The following MAP3K21 variants were observed in gnomAD, a reference collection of about 807,000 sequenced individuals.
MAP3K21 encodes the protein mitogen-activated protein kinase kinase kinase MLK4.
MAP3K21 carries 63 observed loss-of-function variants against 86.1 expected under a neutral mutation model. That is an observed-to-expected ratio of 0.73 (90% CI 0.60 to 0.90). The LOEUF (loss-of-function observed/expected upper bound fraction) is 0.90. Ranked by LOEUF, MAP3K21 falls within the 40% of genes least tolerant of loss-of-function variation. The pLI is 0.00. For missense variants in MAP3K21, 1,220 were observed against 1,367.7 expected, an observed-to-expected ratio of 0.89 and a Z score of 1.70; for synonymous variants, 558 against 564.8, an observed-to-expected ratio of 0.99 and a Z score of 0.17.
intron 4 of MAP3K21, among the ~76,000 whole-genome samples, chr1:233,358,057 G>C (rs61826113): frequency 6.8e-6 from 1 of 147,688 alleles, no homozygotes; most frequent in Non-Finnish European, 1.5e-5. Flanking sequence ...TGTGCCTGAT[G>C]GGTTTTTTTT....
rs955532106 is a variant in MAP3K21, at chr1:233,362,084, G to A, written c.1343G>A (p.Arg448Gln). Residue 448 changes from arginine to glutamine, a missense_variant, in exon 5 of 10, where the codon CGG (arginine) becomes CAG (glutamine). Arg to Gln is a conservative substitution (Grantham distance 43). This residue lies in a region of MAP3K21 where 126 missense variants were observed against 127.7 expected (regional missense o/e 0.99). Transcript: ENST00000366624. Reference sequence around the variant, plus strand: ...CGATCCCGGGAAGAGGAGCTGACTCGGGCGGCTCTGCAGCAGAAGTCTCAG... The same window carrying A: ...CGATCCCGGGAAGAGGAGCTGACTCAGGCGGCTCTGCAGCAGAAGTCTCAG... ...ELRSREEELT[R>Q]AALQQKSQEE... is the part of the protein sequence containing the mutation. 2 of 1,612,826 alleles carry A rather than the reference G, an allele frequency of 1.2e-6. No homozygotes were observed. Among genetic ancestry groups the A allele is most frequent in the South Asian group, 1.1e-5 (1 of 90,872 alleles).
At chr1:233,367,795 G>T (rs1255232314) in intron 5 of MAP3K21, among the ~76,000 whole-genome samples, 1 of 150,306 alleles carries the variant, frequency 6.7e-6, no homozygotes, top group Non-Finnish European at 1.5e-5. Flanking sequence ...AAGAGGCAAG[G>T]TTGCAGTGAG....
chr1:233,341,870 A>G (rs1426419417), intron 1 of MAP3K21, among the ~76,000 whole-genome samples: 1 of 152,166 alleles, frequency 6.6e-6, no homozygotes, highest in Non-Finnish European at 1.5e-5. Context: ...GTTTTATAGA[A>G]CTGCAAGCCA....
chr1:233,347,156 A>G (rs1259961983), intron 2 of MAP3K21, among the ~76,000 whole-genome samples: 1 of 152,126 alleles, frequency 6.6e-6, no homozygotes, highest in Non-Finnish European at 1.5e-5. Flanking sequence ...CAGCCTCTCA[A>G]AGTGCTGGGA....
rs72755605 is a variant in MAP3K21, at chr1:233,349,131, C to T, written c.986+2509C>T. ...AAAATACAAGTGCTTGAGCCTCACC[C>T]CTTGATGAATTAGACTGTCTACTGG... On this transcript the variant is annotated intron_variant, in intron 2 of 9. Transcript: ENST00000366624. Among the ~76,000 whole-genome samples, 8 of 152,272 alleles carry T rather than the reference C, an allele frequency of 5.3e-5. No homozygotes were observed. In the East Asian group the frequency reaches 9.6e-4, roughly 18 times the overall value.
Position 233,384,583 on chromosome 1 carries a change from T to C in MAP3K21, c.*1872T>C, listed in dbSNP as rs2102771888. The C allele has an allele frequency of 6.6e-6, 1 of 152,216 alleles. No homozygotes were observed. Among genetic ancestry groups the C allele is most frequent in the African/African-American group, 2.4e-5 (1 of 41,558 alleles). The allele number at this position is 152,216 out of a possible 1,614,324, so 9.4% of individuals were successfully genotyped here. ...GCTTAAGGGTAGAGAAATATATACC[T>C]AAAATCATCAATACATGAAAGAAAA... On this transcript the variant is annotated 3_prime_UTR_variant, in exon 10 of 10. Coordinates refer to ENST00000366624, the MANE Select transcript of MAP3K21 (RefSeq NM_032435.3).
At chr1:233,339,661 T>A (rs72754084) in intron 1 of MAP3K21, among the ~76,000 whole-genome samples, 1 of 152,046 alleles carries the variant, frequency 6.6e-6, no homozygotes, top group Non-Finnish European at 1.5e-5. Flanking sequence ...TTTTAAGTTC[T>A]TTTGTAGGGG....
Position 233,379,692 on chromosome 1 carries a change from G to A in MAP3K21, c.2686G>A (p.Asp896Asn). The A allele has an allele frequency of 6.2e-7, 1 of 1,610,596 alleles. No homozygotes were observed. Among genetic ancestry groups the A allele is most frequent in the Non-Finnish European group, 8.5e-7 (1 of 1,178,666 alleles). Residue 896 changes from aspartate to asparagine, a missense_variant, in exon 9 of 10, where the codon GAT becomes AAT. This residue lies in a region of MAP3K21 where 632 missense variants were observed against 691.3 expected (regional missense o/e 0.91). Coordinates refer to ENST00000366624, the MANE Select transcript of MAP3K21 (RefSeq NM_032435.3). ...GTCACATCACAGACGGACCATGTCT[G>A]ATGGAAATCCGACCCCAAGTAGGTT... ...RPSHHRRTMS[D>N]GNPTPTGATI...
chr1:233,382,608 A>C lies in MAP3K21; in HGVS notation c.3008A>C (p.Asp1003Ala), dbSNP rs1223568787. The C allele has an allele frequency of 6.2e-7, 1 of 1,614,058 alleles. No individual in the cohort carries two copies. The highest frequency in any genetic ancestry group is 2.2e-5 in the East Asian group (1 of 44,890). Residue 1003 changes from aspartate (D) to alanine (A), a missense_variant, in exon 10 of 10, where the codon GAC (aspartate) becomes GCC (alanine). Physicochemically the swap from Asp to Ala is moderately radical, Grantham distance 126. Around this residue, in one of 5 missense-constraint regions of MAP3K21, gnomAD observed 632 missense variants for 691.3 expected, o/e 0.91. Coordinates refer to ENST00000366624, the MANE Select transcript of MAP3K21 (RefSeq NM_032435.3). The part of the protein sequence containing the change: ...KSHVPSLLDA[D>A]VEGQSRDYTV... ...CATGTGCCTTCATTACTGGATGCTGACGTGGAAGGTCAGAGCAGGGACTAC... is the reference window on the plus strand; with the variant it reads ...CATGTGCCTTCATTACTGGATGCTGCCGTGGAAGGTCAGAGCAGGGACTAC...
intron 2 of MAP3K21, among the ~76,000 whole-genome samples, chr1:233,349,941 A>G (rs966290898): frequency 2.0e-5 from 3 of 151,212 alleles, no homozygotes; most frequent in African/African-American, 7.3e-5. Flanking sequence ...GTCTCAAAAA[A>G]GAAAAAAAAA....
Position 233,378,973 on chromosome 1 carries a change from A to T in MAP3K21, c.1967A>T (p.His656Leu). Residue 656 changes from histidine to leucine, a missense_variant, in exon 9 of 10, where the codon CAC becomes CTC. His to Leu is a moderately conservative substitution (Grantham distance 99). Around this residue, in one of 5 missense-constraint regions of MAP3K21, gnomAD observed 632 missense variants for 691.3 expected, o/e 0.91. Transcript: ENST00000366624. Reference sequence around the variant, plus strand: ...AAACTTTCCCCTGATGGATTAGAACACAGAAAACCAAAACAAATAAAATTG... The same window carrying T: ...AAACTTTCCCCTGATGGATTAGAACTCAGAAAACCAAAACAAATAAAATTG... Reference protein sequence around the residue: ...EPKLSPDGLEHRKPKQIKLPS... With the variant: ...EPKLSPDGLELRKPKQIKLPS... The T allele has an allele frequency of 6.2e-7, 1 of 1,614,044 alleles. No homozygotes were observed. Among genetic ancestry groups the T allele is most frequent in the Non-Finnish European group, 8.5e-7 (1 of 1,179,966 alleles).
chr1:233,372,976 ATT>A (rs1326198405), intron 6 of MAP3K21: 2 of 151,918 alleles, frequency 1.3e-5, no homozygotes, highest in Non-Finnish European at 2.9e-5. Context: ...CCAAAAGAAA[ATT>A]TTGTCTAATG....
At chr1:233,337,064 T>G (rs1662931402) in intron 1 of MAP3K21, among the ~76,000 whole-genome samples, 1 of 152,198 alleles carries the variant, frequency 6.6e-6, no homozygotes, top group African/African-American at 2.4e-5. Context: ...TCCACTAGCT[T>G]TTTGAATAGG....
rs780258104 is a variant in MAP3K21 at position 233,328,625 on chromosome 1, G to A, written c.597G>A (p.Val199=). The change falls in exon 1 of 10, where the codon GTG becomes GTA. Residue 199 remains valine, a synonymous_variant. Transcript: ENST00000366624. This position sits in a 1 kb window ranked among gnomAD's most constrained non-coding sequence, Gnocchi z 8.7. ...VCLQQPHLCL[V]LEFARGGALN... ...TGCAGCAGCCGCACCTCTGCCTGGT[G>A]CTGGAGTTCGCCCGCGGCGGAGCGC... 6.8e-7 allele frequency: 1 copy of A among 1,465,704 alleles called. No homozygotes were observed. Among genetic ancestry groups the A allele is most frequent in the Non-Finnish European group, 9.0e-7 (1 of 1,112,488 alleles). The allele number at this position is 1,465,704 out of a possible 1,614,324, so 90.8% of individuals were successfully genotyped here.
intron 1 of MAP3K21, among the ~76,000 whole-genome samples, chr1:233,338,649 T>C (rs1202604019): frequency 2.0e-5 from 3 of 152,256 alleles, no homozygotes; most frequent in East Asian, 1.9e-4. Flanking sequence ...AATTGCAAGA[T>C]TTCTAAAACA....
At position 233,382,632 on chromosome 1, in the gene MAP3K21, A is replaced by G. The variant is rs756302635; in HGVS notation, c.3032A>G (p.Tyr1011Cys). Reference sequence around the variant, plus strand: ...GACGTGGAAGGTCAGAGCAGGGACTACACTGTGCCACTGTGCAGAATGAGG... The same window carrying G: ...GACGTGGAAGGTCAGAGCAGGGACTGCACTGTGCCACTGTGCAGAATGAGG... ...DADVEGQSRD[Y>C]TVPLCRMRSK... The change falls in exon 10 of 10, where the codon TAC becomes TGC. Residue 1011 changes from tyrosine to cysteine, a missense_variant. Physicochemically the swap from Tyr to Cys is radical, Grantham distance 194 (BLOSUM62 -2). Transcript: ENST00000366624. 2.5e-6 allele frequency: 4 copies of G among 1,614,184 alleles called. No individual in the cohort carries two copies. Among genetic ancestry groups the G allele is most frequent in the Non-Finnish European group, 3.4e-6 (4 of 1,180,008 alleles).
At chr1:233,359,142 CTATT>C (rs1572249746) in intron 4 of MAP3K21, among the ~76,000 whole-genome samples, 1 of 152,214 alleles carries the variant, frequency 6.6e-6, no homozygotes, top group East Asian at 1.9e-4. Context: ...TTATTGACAA[CTATT>C]TATAAAACTG....
intron 4 of MAP3K21, among the ~76,000 whole-genome samples, chr1:233,356,851 T>C (rs1330438111): frequency 1.3e-5 from 2 of 152,240 alleles, no homozygotes; most frequent in Non-Finnish European, 2.9e-5. Flanking sequence ...ATAGGCTGAT[T>C]GATAGAAACA....
intron 1 of MAP3K21, among the ~76,000 whole-genome samples, chr1:233,330,194 T>G (rs1231872492): frequency 6.6e-6 from 1 of 152,248 alleles, no homozygotes; most frequent in African/African-American, 2.4e-5. Context: ...TGGAATGTTG[T>G]AGCTAAGCAT....
Sources: allele counts gnomAD v4.1 joint callset (sites outside exome capture counted in the v4.1 genomes callset), GRCh38; gene constraint gnomAD v4.1.1; regional missense constraint gnomAD v4.1.1; non-coding constraint Gnocchi (gnomAD v3.1); transcripts MANE v1.5; gene names NCBI Gene and HGNC (gene_info 2026-07-23, HGNC 2026-07-21).